LAMC3: variants seen among roughly 807,000 people sequenced by gnomAD.
LAMC3 encodes laminin subunit gamma 3, also known as laminin subunit gamma-3.
Under a neutral mutation model 173.8 loss-of-function variants are expected in LAMC3, and 128 were observed. That is an observed-to-expected ratio of 0.74 (90% CI 0.64 to 0.85). LAMC3 has a LOEUF of 0.85. Ranked by LOEUF, LAMC3 falls within the 40% of genes least tolerant of loss-of-function variation. The probability of loss-of-function intolerance (pLI) is 0.00; values close to 1 mark genes in which losing one functional copy is unlikely to be tolerated. For synonymous variants in LAMC3, 897 were observed against 909.1 expected, an observed-to-expected ratio of 0.99 and a Z score of 0.24; for missense variants, 2,022 against 2,156.0, an observed-to-expected ratio of 0.94 and a Z score of 1.23.
intron 1 of LAMC3, among the ~76,000 whole-genome samples, chr9:131,017,070 T>TG (rs981886911): frequency 1.3e-5 from 2 of 152,190 alleles, no homozygotes; most frequent in African/African-American, 4.8e-5. Context: ...GGTCCGGATC[T>TG]GGGGGCGGCC....
rs184903631 is a variant in LAMC3 at position 131,037,029 on chromosome 9, C to T, written c.976+697C>T. Among the ~76,000 whole-genome samples the T allele has an allele frequency of 6.0e-3, 916 of 152,336 alleles. 7 individuals carry two copies. The highest frequency in any genetic ancestry group is 9.3e-3 in the Non-Finnish European group (635 of 68,026). ...GGCGGGCAGCTTGGCCTCTGGACCC[C>T]GCTGTCCTCTTGGGCCTGGGCCACT... On this transcript the variant is annotated intron_variant, in intron 4 of 27. Transcript: ENST00000361069.
At chr9:131,076,242 T>A (rs1175156876) in intron 21 of LAMC3, among the ~76,000 whole-genome samples, 1 of 152,056 alleles carries the variant, frequency 6.6e-6, no homozygotes, top group Non-Finnish European at 1.5e-5. Flanking sequence ...GATCCCTTGC[T>A]CTCCTTCTGC....
intron 3 of LAMC3, among the ~76,000 whole-genome samples, chr9:131,032,859 G>A (rs910079754): frequency 4.6e-5 from 7 of 152,150 alleles, no homozygotes; most frequent in African/African-American, 1.7e-4. Flanking sequence ...GTAGAGATGG[G>A]GTTTCTCCAT....
intron 7 of LAMC3, among the ~76,000 whole-genome samples, chr9:131,045,078 C>G (rs1255090777): frequency 6.6e-6 from 1 of 151,870 alleles, no homozygotes. Context: ...AAAAATTAGC[C>G]GGGTGTGGTG....
rs772238823 is a variant in LAMC3, at chr9:131,052,583, C to A, written c.1723C>A (p.Leu575Met). ...PPGDSPLPVQ[L>M]RLEGTGLALS... ...CGGGGACTCCCCACTCCCTGTACAG[C>A]TGAGGCTGGAAGGGACAGGCTTGGC... Residue 575 changes from leucine to methionine, a missense_variant, in exon 10 of 28, where the codon CTG becomes ATG. Leu to Met is a conservative substitution (Grantham distance 15, BLOSUM62 2). Transcript: ENST00000361069. 3 of 1,613,972 alleles carry A rather than the reference C, an allele frequency of 1.9e-6. No homozygotes were observed. In the African/African-American group the frequency reaches 4.0e-5, roughly 22 times the overall value.
At chr9:131,033,884 A>G (rs1833895737) in intron 3 of LAMC3, among the ~76,000 whole-genome samples, 1 of 152,016 alleles carries the variant, frequency 6.6e-6, no homozygotes, top group African/African-American at 2.4e-5. Context: ...AGAGAGATGG[A>G]GAAGGGGGCG....
At position 131,067,065 on chromosome 9, in the gene LAMC3, C is replaced by T. The variant is rs374853951; in HGVS notation, c.2453C>T (p.Pro818Leu). ...HQCQCSGNVD[P>L]NAVGNCDPLS... Reference sequence around the variant, plus strand: ...TGCCAGTGTAGCGGGAACGTGGACCCCAATGCCGTGGGCAACTGTGACCCC... The same window carrying T: ...TGCCAGTGTAGCGGGAACGTGGACCTCAATGCCGTGGGCAACTGTGACCCC... Residue 818 changes from proline to leucine, a missense_variant, in exon 14 of 28, where the codon CCC (proline) becomes CTC (leucine). By Grantham distance (98) the Pro-to-Leu change is moderately conservative (BLOSUM62 -3). Coordinates refer to ENST00000361069, the MANE Select transcript of LAMC3 (RefSeq NM_006059.4). The T allele has an allele frequency of 7.4e-6, 12 of 1,614,004 alleles. No homozygotes were observed. Among genetic ancestry groups the T allele is most frequent in the Admixed American group, 1.7e-5 (1 of 60,008 alleles).
rs754557054 is a variant in LAMC3 at position 131,026,950 on chromosome 9, G to A, written c.678+361G>A. 2.0e-5 allele frequency among the ~76,000 whole-genome samples: 3 copies of A among 152,144 alleles called. No homozygotes were observed. The highest frequency in any genetic ancestry group is 4.4e-5 in the Non-Finnish European group (3 of 68,022). ...TGGTCTTGAACTCCTGACATTAAGC[G>A]ATCCACCTGCCTCGGCCTCCCAAAG... On this transcript the variant is annotated intron_variant, in intron 2 of 27. Transcript: ENST00000361069. This position sits in a 1 kb window ranked among gnomAD's most constrained non-coding sequence, Gnocchi z 4.8.
chr9:131,068,844 G>A lies in LAMC3; in HGVS notation c.2748-64G>A, dbSNP rs553496989. On this transcript the variant is annotated intron_variant, in intron 15 of 27. Transcript: ENST00000361069. ...TCTGAGGCCCCAGCCAGCTGCAGCC[G>A]GCAGAGGCTGGGCCAGGAGTGGCCC... is the stretch of plus-strand genomic sequence containing the variant. 2.0e-4 allele frequency: 317 copies of A among 1,597,006 alleles called. 1 individual carries two copies. The highest frequency in any genetic ancestry group is 2.4e-4 in the Non-Finnish European group (280 of 1,167,974).
At chr9:131,077,636 C>T (rs1830155136) in intron 22 of LAMC3, among the ~76,000 whole-genome samples, 2 of 124,274 alleles carry the variant, frequency 1.6e-5, no homozygotes, top group Non-Finnish European at 3.2e-5. Flanking sequence ...AAGATTGCAC[C>T]TCTGCACTCC....
At chr9:131,039,658 G>A (rs1834011243) in intron 6 of LAMC3, among the ~76,000 whole-genome samples, 1 of 151,978 alleles carries the variant, frequency 6.6e-6, no homozygotes, top group Non-Finnish European at 1.5e-5. Context: ...AGCCTGCATG[G>A]GGGTTTGACT....
chr9:131,044,254 G>A (rs1345519906), intron 7 of LAMC3, among the ~76,000 whole-genome samples: 1 of 151,384 alleles, frequency 6.6e-6, no homozygotes. Flanking sequence ...GCTCATGCCT[G>A]TAATCCCAGC....
rs777019483 is a variant in LAMC3 at position 131,068,976 on chromosome 9, G to A, written c.2816G>A (p.Arg939His). Residue 939 changes from arginine to histidine, a missense_variant, in exon 16 of 28, where the codon CGC becomes CAC. Arg to His is a conservative substitution (Grantham distance 29). Transcript: ENST00000361069. ...CCCAAGACTGGACAGTGCACCTGCCGCCCAGGTGTCACAGGCCAGGCCTGT... is the reference window on the plus strand; with the variant it reads ...CCCAAGACTGGACAGTGCACCTGCCACCCAGGTGTCACAGGCCAGGCCTGT... ...CHPKTGQCTC[R>H]PGVTGQACDR... is the part of the protein sequence containing the mutation. 2.4e-5 allele frequency: 39 copies of A among 1,613,886 alleles called. No individual in the cohort carries two copies. The highest frequency in any genetic ancestry group is 1.6e-4 in the South Asian group (15 of 91,088).
At chr9:131,076,003 T>G (rs60612196) in intron 21 of LAMC3, 38 bp downstream of exon 21, 2 of 1,567,776 alleles carry the variant, frequency 1.3e-6, no homozygotes, top group Non-Finnish European at 1.7e-6. Context: ...ACTTTGGGGT[T>G]GGCCTCCTGG....
intron 2 of LAMC3, among the ~76,000 whole-genome samples, chr9:131,031,211 C>T (rs568387161): frequency 6.6e-6 from 1 of 152,356 alleles, no homozygotes; most frequent in East Asian, 1.9e-4. Context: ...AGCAGGGGCT[C>T]CTGGGCGGAA....
At chr9:131,062,240 A>G (rs566553447) in intron 13 of LAMC3, among the ~76,000 whole-genome samples, 54 of 151,182 alleles carry the variant, frequency 3.6e-4, no homozygotes, top group Non-Finnish European at 6.3e-4. Flanking sequence ...GGGCGCCTGT[A>G]GTCCCAGTTA....
At chr9:131,042,781 A>G (rs1834079287) in intron 7 of LAMC3, among the ~76,000 whole-genome samples, 1 of 151,250 alleles carries the variant, frequency 6.6e-6, no homozygotes, top group Admixed American at 6.6e-5. Context: ...GACATCATTC[A>G]TGGAGCACTG....
intron 6 of LAMC3, among the ~76,000 whole-genome samples, chr9:131,040,489 T>C (rs1341026447): frequency 6.6e-6 from 1 of 152,206 alleles, no homozygotes; most frequent in East Asian, 1.9e-4. Context: ...GAAGCACTTT[T>C]AAGTGAACTT....
At chr9:131,090,124 G>A (rs1237477528) in intron 27 of LAMC3, among the ~76,000 whole-genome samples, 1 of 152,162 alleles carries the variant, frequency 6.6e-6, no homozygotes, top group Non-Finnish European at 1.5e-5. Context: ...AATGTGCCCA[G>A]GGTCCCACAG....
Sources: allele counts gnomAD v4.1 joint callset (sites outside exome capture counted in the v4.1 genomes callset), GRCh38; gene constraint gnomAD v4.1.1; non-coding constraint Gnocchi (gnomAD v3.1); transcripts MANE v1.5; gene names NCBI Gene and HGNC (gene_info 2026-07-23, HGNC 2026-07-21).